The following MCM10 variants were observed in gnomAD, a reference collection of about 807,000 sequenced individuals.
The protein encoded by MCM10 is protein MCM10 homolog.
In MCM10, 91 loss-of-function variants were observed where a neutral mutation model predicts 109.9. That is an observed-to-expected ratio of 0.83 (90% CI 0.70 to 0.99). MCM10 has a LOEUF of 0.99. Among genes scored for constraint, MCM10 ranks in the 50% least tolerant of loss-of-function variants. The probability of loss-of-function intolerance (pLI) is 0.00; values close to 1 mark genes in which losing one functional copy is unlikely to be tolerated. For synonymous variants in MCM10, 380 were observed against 387.2 expected (o/e 0.98, Z 0.22); for missense variants, 1,077 against 1,061.2 (o/e 1.01, Z -0.21).
chr10:13,207,986 C>T (rs982808645), intron 18 of MCM10, among the ~76,000 whole-genome samples: 2 of 135,870 alleles, frequency 1.5e-5, no homozygotes, highest in African/African-American at 5.7e-5. Flanking sequence ...TATGTCTTCT[C>T]TCTTTCTCTC....
intron 1 of MCM10, among the ~76,000 whole-genome samples, chr10:13,163,455 T>TA (rs1461114408): frequency 1.3e-5 from 2 of 152,248 alleles, no homozygotes; most frequent in South Asian, 4.1e-4. Flanking sequence ...ACTTGCAGTT[T>TA]AAAAAATAAC....
chr10:13,198,889 GTTGT>G, intron 16 of MCM10, 82 bp downstream of exon 16: 1 of 888,478 alleles, frequency 1.1e-6, no homozygotes. Context: ...CCAAGAATGT[GTTGT>G]TTGTTTTATT....
In MCM10 at chr10:13,201,498, C is replaced by G. The variant is rs898743791; in HGVS notation, c.2316C>G (p.Ile772Met). 2.5e-6 allele frequency: 4 copies of G among 1,612,426 alleles called. No individual in the cohort carries two copies. The highest frequency in any genetic ancestry group is 3.3e-5 in the Admixed American group (2 of 59,838). The change falls in exon 17 of 20, where the codon ATC becomes ATG. Residue 772 changes from isoleucine to methionine, a missense_variant. By Grantham distance (10) the Ile-to-Met change is conservative. Coordinates refer to ENST00000378714, the MANE Select transcript of MCM10 (RefSeq NM_018518.5). ...KEQMEEKMRN[I>M]REVKCRVVTC... Reference sequence around the variant, plus strand: ...AAATGGAAGAAAAGATGAGAAACATCAGAGAAGTGAAGTGCCGTGTCGTGA... The same window carrying G: ...AAATGGAAGAAAAGATGAGAAACATGAGAGAAGTGAAGTGCCGTGTCGTGA...
rs747881068 is a variant in MCM10, at chr10:13,180,545, G to C, written c.868G>C (p.Glu290Gln). 10 of 1,614,176 alleles carry C rather than the reference G, an allele frequency of 6.2e-6. No homozygotes were observed. Among genetic ancestry groups the C allele is most frequent in the Non-Finnish European group, 7.6e-6 (9 of 1,180,044 alleles). Residue 290 changes from glutamate to glutamine, a missense_variant, in exon 7 of 20, where the codon GAA becomes CAA. Physicochemically the swap from Glu to Gln is conservative, Grantham distance 29. Coordinates refer to ENST00000378714, the MANE Select transcript of MCM10 (RefSeq NM_018518.5). ...AAAGATGGCCAGAGAGAAGCTGGAA[G>C]AAATAGATTGGGTGACATTTGGGGT... Reference protein sequence around the residue: ...KEKMAREKLEEIDWVTFGVIL... With the variant: ...KEKMAREKLEQIDWVTFGVIL...
intron 2 of MCM10, among the ~76,000 whole-genome samples, chr10:13,167,423 G>T (rs978761284): frequency 2.0e-5 from 3 of 152,138 alleles, no homozygotes; most frequent in African/African-American, 7.2e-5. Context: ...GACGTTCAGA[G>T]GTCAGTTGTG....
chr10:13,161,711 C>A (rs184833678), intron 1 of MCM10, 105 bp downstream of exon 1: 1 of 152,312 alleles, frequency 6.6e-6, no homozygotes, highest in African/African-American at 2.4e-5. Context: ...GCTAGAGGCG[C>A]GGGGTCCCGG....
intron 16 of MCM10, among the ~76,000 whole-genome samples, chr10:13,200,646 G>A (rs1480289447): frequency 6.6e-6 from 1 of 152,196 alleles, no homozygotes; most frequent in African/African-American, 2.4e-5. Context: ...TCCCATCGCT[G>A]CACCCACATT....
At position 13,182,061 on chromosome 10, in the gene MCM10, A is replaced by C. The variant is rs1401117237; in HGVS notation, c.931-872A>C. ...AGCATTTTGAGCTGTATTTCTTCAG[A>C]TACTTAATCATACTTCTGAAATGTT... On this transcript the variant is annotated intron_variant, in intron 7 of 19. Coordinates refer to ENST00000378714, the MANE Select transcript of MCM10 (RefSeq NM_018518.5). The surrounding 1 kb of genome is among the most constrained non-coding windows in gnomAD (Gnocchi z 4.2). 6.6e-6 allele frequency among the ~76,000 whole-genome samples: 1 copy of C among 152,232 alleles called. No individual in the cohort carries two copies. The highest frequency in any genetic ancestry group is 1.5e-5 in the Non-Finnish European group (1 of 68,044).
At chr10:13,202,175 A>G (rs1834509068) in intron 17 of MCM10, among the ~76,000 whole-genome samples, 1 of 152,138 alleles carries the variant, frequency 6.6e-6, no homozygotes, top group African/African-American at 2.4e-5. Context: ...CCCGGGCAAC[A>G]TCGTGAGACC....
chr10:13,195,736 G>A lies in MCM10; in HGVS notation c.1974+467G>A, dbSNP rs570775988. Among the ~76,000 whole-genome samples the A allele has an allele frequency of 7.2e-5, 11 of 151,728 alleles. No individual in the cohort carries two copies. The East Asian group carries it at 7.7e-4, about 11-fold the overall frequency. On this transcript the variant is annotated intron_variant, in intron 14 of 19. Transcript: ENST00000378714. Reference sequence around the variant, plus strand: ...AGCGATTGTCCTGCTTCAGCCTCCCGAGTACCTGGGACTACAGGCGCCTAC... The same window carrying A: ...AGCGATTGTCCTGCTTCAGCCTCCCAAGTACCTGGGACTACAGGCGCCTAC...
chr10:13,198,450 C>T (rs1428235688), intron 15 of MCM10, among the ~76,000 whole-genome samples: 1 of 152,048 alleles, frequency 6.6e-6, no homozygotes, highest in African/African-American at 2.4e-5. Flanking sequence ...CGTCAGCTGC[C>T]TATTTGAAGG....
At chr10:13,197,557 T>A (rs1834437362) in intron 14 of MCM10, 66 bp from the exon 15 acceptor site, 1 of 1,463,134 alleles carries the variant, frequency 6.8e-7, no homozygotes, top group Admixed American at 2.1e-5. Context: ...AAAAAAGGGA[T>A]CCAGGTCTAT....
At chr10:13,171,323 C>A (rs1834070633) in intron 3 of MCM10, 60 bp downstream of exon 3, 2 of 1,401,686 alleles carry the variant, frequency 1.4e-6, no homozygotes, top group Non-Finnish European at 1.9e-6. Flanking sequence ...GACCACCAAT[C>A]TGATAGTTGT....
intron 6 of MCM10, 55 bp from the exon 7 acceptor site, chr10:13,180,387 C>A: frequency 6.7e-7 from 1 of 1,492,766 alleles, no homozygotes; most frequent in Non-Finnish European, 9.1e-7. Context: ...TGCTAAGGTG[C>A]CAGGTAATTT....
chr10:13,186,928 G>A (rs1834282315), intron 9 of MCM10, among the ~76,000 whole-genome samples: 1 of 152,188 alleles, frequency 6.6e-6, no homozygotes, highest in Non-Finnish European at 1.5e-5. Context: ...GAAGGCAGAG[G>A]TTTCAGTGAG....
intron 2 of MCM10, 99 bp from the exon 3 acceptor site, chr10:13,170,823 T>C (rs893632379): frequency 1.1e-5 from 10 of 940,524 alleles, no homozygotes; most frequent in South Asian, 1.7e-5. Context: ...ACCCATTAGG[T>C]AGTTTCTCTT....
chr10:13,180,688 A>G, intron 7 of MCM10, 81 bp downstream of exon 7: 4 of 1,481,570 alleles, frequency 2.7e-6, no homozygotes, highest in Non-Finnish European at 3.7e-6. Context: ...GTTAACTGGA[A>G]CCTGTTGGTG....
chr10:13,192,557 A>C lies in MCM10; in HGVS notation c.1734A>C (p.Glu578Asp), dbSNP rs1310525566. The C allele has an allele frequency of 1.2e-6, 2 of 1,614,108 alleles. No individual in the cohort carries two copies. Reference sequence around the variant, plus strand: ...AGATGAGGAGAAGGAAATCAGAAGAAATACAGAAGCGGTAAGAGGAGCAGA... The same window carrying C: ...AGATGAGGAGAAGGAAATCAGAAGACATACAGAAGCGGTAAGAGGAGCAGA... ...MLEMRRRKSE[E>D]IQKRFLQSSS... is the part of the protein sequence containing the mutation. Residue 578 changes from glutamate (E) to aspartate (D), a missense_variant, in exon 13 of 20, where the codon GAA becomes GAC. Coordinates refer to ENST00000378714, the MANE Select transcript of MCM10 (RefSeq NM_018518.5).
chr10:13,182,226 C>T lies in MCM10; in HGVS notation c.931-707C>T, dbSNP rs1046543609. ...TGGTGGCTCACGTCTGTAACCCTAACGCTTTGAGAGGATGGGGTGGGAGGA... is the reference window on the plus strand; with the variant it reads ...TGGTGGCTCACGTCTGTAACCCTAATGCTTTGAGAGGATGGGGTGGGAGGA... On this transcript the variant is annotated intron_variant, in intron 7 of 19. Coordinates refer to ENST00000378714, the MANE Select transcript of MCM10 (RefSeq NM_018518.5). The surrounding 1 kb of genome is among the most constrained non-coding windows in gnomAD (Gnocchi z 4.2). Among the ~76,000 whole-genome samples, 4 of 151,988 alleles carry T rather than the reference C, an allele frequency of 2.6e-5. No individual in the cohort carries two copies. The highest frequency in any genetic ancestry group is 7.3e-5 in the African/African-American group (3 of 41,370).
Sources: gnomAD v4.1 joint callset for allele counts (sites outside exome capture counted in the v4.1 genomes callset) on GRCh38, gnomAD v4.1.1 for gene constraint, Gnocchi (gnomAD v3.1) non-coding constraint, MANE v1.5 for transcripts, NCBI Gene and HGNC (gene_info 2026-07-23, HGNC 2026-07-21) for gene names.